The following PLCB1 variants were observed in gnomAD, a reference collection of about 807,000 sequenced individuals.
PLCB1 encodes the protein phospholipase C beta 1.
A neutral mutation model predicts 161.8 loss-of-function variants in PLCB1; 46 were observed. The ratio of observed to expected loss-of-function variants is 0.28; its 90% CI spans 0.22 to 0.36. PLCB1 has a LOEUF of 0.36. PLCB1 is among the 10% of genes least tolerant of loss of function. The pLI, the probability that PLCB1 is intolerant of heterozygous loss-of-function variation, is 1.00. For missense variants in PLCB1, 1,016 were observed against 1,472.5 expected (o/e 0.69, Z 5.07); for synonymous variants, 517 against 503.7 (o/e 1.03, Z -0.35).
chr20:8,459,653 T>C (rs541304647), intron 3 of PLCB1, among the ~76,000 whole-genome samples: 2 of 152,340 alleles, frequency 1.3e-5, no homozygotes, highest in East Asian at 3.9e-4. Context: ...TGATCATGTA[T>C]ATTATCTAAA....
intron 4 of PLCB1, among the ~76,000 whole-genome samples, chr20:8,637,076 G>A (rs540657916): frequency 1.3e-5 from 2 of 151,420 alleles, no homozygotes; most frequent in South Asian, 2.1e-4. Flanking sequence ...AGGAAGAGGA[G>A]TTCTAAGAAA....
intron 31 of PLCB1, among the ~76,000 whole-genome samples, chr20:8,875,059 T>C (rs1384664991): frequency 6.6e-6 from 1 of 151,886 alleles, no homozygotes; most frequent in African/African-American, 2.4e-5. Context: ...GCTATTGCAT[T>C]TCTCTAATTG....
At chr20:8,878,624 A>G (rs1987862214) in intron 31 of PLCB1, among the ~76,000 whole-genome samples, 1 of 152,218 alleles carries the variant, frequency 6.6e-6, no homozygotes, top group Non-Finnish European at 1.5e-5. Flanking sequence ...AAATAGATTC[A>G]TAAATACCCC....
intron 14 of PLCB1, among the ~76,000 whole-genome samples, chr20:8,718,779 T>G (rs1979469864): frequency 1.3e-5 from 2 of 152,198 alleles, no homozygotes; most frequent in South Asian, 4.1e-4. Context: ...GTAAGCCAAA[T>G]AGTCTTCAGA....
chr20:8,741,659 C>A, intron 23 of PLCB1, 86 bp downstream of exon 23: 1 of 785,292 alleles, frequency 1.3e-6, no homozygotes. Flanking sequence ...TATCACATAC[C>A]TTGGGAGAAG....
intron 3 of PLCB1, among the ~76,000 whole-genome samples, chr20:8,472,212 T>C (rs892578297): frequency 2.6e-5 from 4 of 152,238 alleles, no homozygotes; most frequent in African/African-American, 4.8e-5. Context: ...TGTAAAGATA[T>C]TATTGTTTGC....
At chr20:8,527,101 C>T (rs192723189) in intron 3 of PLCB1, among the ~76,000 whole-genome samples, 149 of 152,222 alleles carry the variant, frequency 9.8e-4, no homozygotes, top group African/African-American at 3.4e-3. Context: ...ATGCATTCTT[C>T]AGCCATACTA....
At chr20:8,333,405 G>A (rs1043836445) in intron 2 of PLCB1, among the ~76,000 whole-genome samples, 7 of 152,224 alleles carry the variant, frequency 4.6e-5, no homozygotes, top group Non-Finnish European at 1.0e-4. Flanking sequence ...ACAATGCTGA[G>A]TAAGTCATTG....
chr20:8,556,978 TAAATA>T (rs1010384865), intron 3 of PLCB1, among the ~76,000 whole-genome samples: 7 of 114,994 alleles, frequency 6.1e-5, no homozygotes, highest in South Asian at 2.7e-4. Context: ...TGATAATAAA[TAAATA>T]AAATAAATAA....
intron 3 of PLCB1, among the ~76,000 whole-genome samples, chr20:8,448,331 G>A (rs1230482535): frequency 1.3e-5 from 2 of 152,132 alleles, no homozygotes; most frequent in East Asian, 3.9e-4. Context: ...GCCTTTTTCT[G>A]TTTCTTCCAC....
At chr20:8,707,616 C>G (rs193277001) in intron 11 of PLCB1, among the ~76,000 whole-genome samples, 1 of 152,226 alleles carries the variant, frequency 6.6e-6, no homozygotes, top group East Asian at 1.9e-4. Flanking sequence ...TAAGAGTATT[C>G]ATATTCTTAA....
chr20:8,548,960 G>A (rs1008348607), intron 3 of PLCB1, among the ~76,000 whole-genome samples: 2 of 152,132 alleles, frequency 1.3e-5, no homozygotes, highest in African/African-American at 4.8e-5. Context: ...GTGAGGATGG[G>A]AAAGACACAA....
chr20:8,798,162 A>G (rs1371682584), intron 31 of PLCB1, among the ~76,000 whole-genome samples: 3 of 151,398 alleles, frequency 2.0e-5, no homozygotes, highest in African/African-American at 7.3e-5. Flanking sequence ...ATGCCACTGC[A>G]CTCCAGACTG....
chr20:8,659,813 G>A (rs150694622), intron 9 of PLCB1, among the ~76,000 whole-genome samples: 9 of 152,026 alleles, frequency 5.9e-5, no homozygotes, highest in Non-Finnish European at 1.3e-4. Context: ...CCAACATGGC[G>A]AAATCCTGTC....
intron 1 of PLCB1, among the ~76,000 whole-genome samples, chr20:8,148,646 C>T (rs999998609): frequency 6.6e-6 from 1 of 152,138 alleles, no homozygotes; most frequent in Non-Finnish European, 1.5e-5. Context: ...TGGAAACAAC[C>T]TAGATATTCA....
At chr20:8,146,717 GC>G (rs1424728125) in intron 1 of PLCB1, among the ~76,000 whole-genome samples, 1 of 151,868 alleles carries the variant, frequency 6.6e-6, no homozygotes, top group Non-Finnish European at 1.5e-5. Context: ...AAGGTCTTTT[GC>G]TTTGCCCCTT....
chr20:8,391,091 A>G (rs1460994211), intron 3 of PLCB1, among the ~76,000 whole-genome samples: 2 of 152,038 alleles, frequency 1.3e-5, no homozygotes, highest in Non-Finnish European at 2.9e-5. Context: ...TTAAATAGGC[A>G]TAATTTACCT....
intron 3 of PLCB1, among the ~76,000 whole-genome samples, chr20:8,601,903 T>G: frequency 6.6e-6 from 1 of 152,206 alleles, no homozygotes; most frequent in East Asian, 1.9e-4. Context: ...TCTGGAAGTG[T>G]TGCGGCTGTT....
At chr20:8,358,511 C>T in intron 2 of PLCB1, among the ~76,000 whole-genome samples, 1 of 152,070 alleles carries the variant, frequency 6.6e-6, no homozygotes. Context: ...TTGGCCTCCC[C>T]AAGTGCTGGG....
Sources: allele counts gnomAD v4.1 joint callset (sites outside exome capture counted in the v4.1 genomes callset), GRCh38; gene constraint gnomAD v4.1.1; transcripts MANE v1.5; gene names NCBI Gene and HGNC (gene_info 2026-07-23, HGNC 2026-07-21).